The following ZNF775 variants were observed in gnomAD, a reference collection of about 807,000 sequenced individuals.
ZNF775 encodes the protein zinc finger protein 775.
ZNF775 carries 1 observed loss-of-function variant against 2.4 expected under a neutral mutation model. That is an observed-to-expected ratio of 0.41 (90% CI 0.15 to 1.94). The LOEUF is 1.94. Among genes scored for constraint, ZNF775 ranks in the 30% most tolerant of loss-of-function variants. The probability of loss-of-function intolerance (pLI) is 0.30; values close to 1 mark genes in which losing one functional copy is unlikely to be tolerated. For missense variants in ZNF775, 823 were observed against 826.6 expected, an observed-to-expected ratio of 1.00 and a Z score of 0.05; for synonymous variants, 381 against 373.3, an observed-to-expected ratio of 1.02 and a Z score of -0.24.
rs764537483 is a variant in ZNF775, at chr7:150,397,786, G to C, written c.1305G>C (p.Ala435=). 6 of 1,547,656 alleles carry C rather than the reference G, an allele frequency of 3.9e-6. No homozygotes were observed. In the South Asian group the frequency reaches 5.9e-5, roughly 15 times the overall value. ...ARDTLWGRGQ[A]GLAGPGEPRQ... Reference sequence around the variant, plus strand: ...ACACGCTGTGGGGCCGGGGACAAGCGGGCCTCGCTGGGCCTGGCGAGCCGC... The same window carrying C: ...ACACGCTGTGGGGCCGGGGACAAGCCGGCCTCGCTGGGCCTGGCGAGCCGC... The change falls in exon 3 of 3, where the codon GCG becomes GCC. Residue 435 remains alanine (A), a synonymous_variant. Transcript: ENST00000329630.
chr7:150,380,910 T>C (rs1047886094), intron 1 of ZNF775, among the ~76,000 whole-genome samples: 1 of 152,238 alleles, frequency 6.6e-6, no homozygotes, highest in Non-Finnish European at 1.5e-5. Context: ...GATTTTCCTT[T>C]ATTTTCATGA....
intron 1 of ZNF775, among the ~76,000 whole-genome samples, chr7:150,383,046 A>G (rs1387088965): frequency 1.3e-5 from 2 of 152,092 alleles, no homozygotes; most frequent in Non-Finnish European, 2.9e-5. Flanking sequence ...AATATCTCAC[A>G]TTCTCTGTAT....
chr7:150,386,942 T>C (rs1800463773), intron 1 of ZNF775, among the ~76,000 whole-genome samples: 2 of 152,200 alleles, frequency 1.3e-5, no homozygotes, highest in South Asian at 2.1e-4. Context: ...GTTAAGATCA[T>C]GTCAGGTGGC....
intron 2 of ZNF775, among the ~76,000 whole-genome samples, chr7:150,393,886 T>G (rs1800604008): frequency 6.6e-6 from 1 of 152,210 alleles, no homozygotes; most frequent in Non-Finnish European, 1.5e-5. Context: ...GCCAGGCTGG[T>G]CTTGAACTCC....
rs1800676270 is a variant in ZNF775, at chr7:150,397,039, C to G, written c.558C>G (p.Ser186=). 1.3e-6 allele frequency: 2 copies of G among 1,596,742 alleles called. No individual in the cohort carries two copies. The highest frequency in any genetic ancestry group is 1.7e-6 in the Non-Finnish European group (2 of 1,178,092). ...QHLLKHQKTH[S]RPATHSCPEC... is the part of the protein sequence containing the mutation. Reference sequence around the variant, plus strand: ...TGCTCAAGCACCAGAAGACCCACTCCCGGCCCGCCACCCACTCGTGCCCCG... The same window carrying G: ...TGCTCAAGCACCAGAAGACCCACTCGCGGCCCGCCACCCACTCGTGCCCCG... Residue 186 remains serine (S), a synonymous_variant, in exon 3 of 3, where the codon TCC becomes TCG. Transcript: ENST00000329630.
Position 150,396,538 on chromosome 7 carries a change from G to T in ZNF775, c.57G>T (p.Lys19Asn). ...GAGCTGGGCTGGTGATGAAGGTCAA[G>T]CAGGAGAAGCCGGAGCGGCTGCTGC... ...GTGAGLVMKV[K>N]QEKPERLLQT... Residue 19 changes from lysine (K) to asparagine (N), a missense_variant, in exon 3 of 3, where the codon AAG becomes AAT. Coordinates refer to ENST00000329630, the MANE Select transcript of ZNF775 (RefSeq NM_173680.4). 1 of 1,601,674 alleles carries T rather than the reference G, an allele frequency of 6.2e-7. No homozygotes were observed. Among genetic ancestry groups the T allele is most frequent in the South Asian group, 1.1e-5 (1 of 88,658 alleles).
Position 150,397,834 on chromosome 7 carries a change from C to A in ZNF775, c.1353C>A (p.Cys451Ter). 1 of 1,599,112 alleles carries A rather than the reference C, an allele frequency of 6.3e-7. No individual in the cohort carries two copies. The highest frequency in any genetic ancestry group is 8.5e-7 in the Non-Finnish European group (1 of 1,176,514). Residue 451 changes from cysteine to a stop codon, truncating the protein, a stop_gained, in exon 3 of 3, where the codon TGC becomes TGA. Transcript: ENST00000329630. LOFTEE classifies it low-confidence loss of function (END_TRUNC). ...GEPRQFICNE[C>*]GKSFSWWSAL... is the part of the protein sequence containing the mutation. Reference sequence around the variant, plus strand: ...CGCGCCAGTTCATCTGCAACGAGTGCGGCAAGAGCTTCTCGTGGTGGTCGG... The same window carrying A: ...CGCGCCAGTTCATCTGCAACGAGTGAGGCAAGAGCTTCTCGTGGTGGTCGG...
chr7:150,397,173 C>CG lies in ZNF775; in HGVS notation c.694dup (p.Ala232GlyfsTer142). The CG allele has an allele frequency of 7.4e-7, 1 of 1,351,890 alleles. No homozygotes were observed. Among genetic ancestry groups the CG allele is most frequent in the Non-Finnish European group, 9.4e-7 (1 of 1,058,658 alleles). 83.7% of individuals were successfully genotyped at this position (1,351,890 alleles called of 1,614,324 possible). A position where few individuals can be genotyped will look rare whatever the true frequency, so the allele number is the denominator to read the frequency against. ...GGCCTGCACGAGCTGATTCAGGACGCGGCGGCGCGCCGGGCCTGTCGCCTG... is the reference window on the plus strand; with the variant it reads ...GGCCTGCACGAGCTGATTCAGGACGCGGGCGGCGCGCCGGGCCTGTCGCCTG... On this transcript the variant is annotated frameshift_variant, in exon 3 of 3. Transcript: ENST00000329630. LOFTEE classifies it low-confidence loss of function (END_TRUNC).
chr7:150,383,659 A>G (rs1390328323), intron 1 of ZNF775: 2 of 152,408 alleles, frequency 1.3e-5, no homozygotes, highest in Non-Finnish European at 2.9e-5. Flanking sequence ...GTGCCCAGCA[A>G]GTGAGGACCT....
At position 150,397,925 on chromosome 7, in the gene ZNF775, C is replaced by G. The variant is rs527417474; in HGVS notation, c.1444C>G (p.Arg482Gly). The change falls in exon 3 of 3, where the codon CGC becomes GGC. Residue 482 changes from arginine (R) to glycine (G), a missense_variant. Arg to Gly is a moderately radical substitution (Grantham distance 125). Coordinates refer to ENST00000329630, the MANE Select transcript of ZNF775 (RefSeq NM_173680.4). Reference protein sequence around the residue: ...RPYPCPECGRRFSQKPNLTRH... With the variant: ...RPYPCPECGRGFSQKPNLTRH... The stretch of plus-strand genomic sequence containing the variant: ...CTACCCGTGCCCCGAGTGCGGCCGC[C>G]GCTTCAGCCAGAAGCCCAACCTGAC... 6.2e-7 allele frequency: 1 copy of G among 1,601,788 alleles called. No individual in the cohort carries two copies. Among genetic ancestry groups the G allele is most frequent in the Non-Finnish European group, 8.5e-7 (1 of 1,178,680 alleles).
At chr7:150,392,746 C>T (rs1191915633) in intron 2 of ZNF775, among the ~76,000 whole-genome samples, 1 of 152,188 alleles carries the variant, frequency 6.6e-6, no homozygotes, top group Non-Finnish European at 1.5e-5. Context: ...GTTGCCTAGG[C>T]TGGTCTTCAA....
chr7:150,390,571 T>C lies in ZNF775; in HGVS notation c.31+2070T>C, dbSNP rs1199882114. Among the ~76,000 whole-genome samples, 5 of 152,268 alleles carry C rather than the reference T, an allele frequency of 3.3e-5. No homozygotes were observed. In the East Asian group the frequency reaches 9.6e-4, roughly 29 times the overall value. On this transcript the variant is annotated intron_variant, in intron 2 of 2. Transcript: ENST00000329630. ...TCAATCAGATGATTCATATGGTTTTTCAACTTGTTTTTTGTTTTCTCTTAA... is the reference window on the plus strand; with the variant it reads ...TCAATCAGATGATTCATATGGTTTTCCAACTTGTTTTTTGTTTTCTCTTAA...
intron 2 of ZNF775, among the ~76,000 whole-genome samples, chr7:150,391,710 T>C (rs1220425834): frequency 7.0e-5 from 10 of 142,314 alleles, no homozygotes; most frequent in East Asian, 2.0e-4. Flanking sequence ...TTCTTTCTTT[T>C]TTTTTTTTTT....
chr7:150,382,133 C>T lies in ZNF775; in HGVS notation c.-50+2741C>T, dbSNP rs1004677727. On this transcript the variant is annotated intron_variant, in intron 1 of 2. Transcript: ENST00000329630. The surrounding 1 kb of genome is among the most constrained non-coding windows in gnomAD (Gnocchi z 4.6). ...CTGCAGACAGTGCCACAACCAGAGC[C>T]GTGGCAAACCCTCTTCCTCCTGCAT... 1.5e-4 allele frequency among the ~76,000 whole-genome samples: 23 copies of T among 152,088 alleles called. No homozygotes were observed. Among genetic ancestry groups the T allele is most frequent in the Admixed American group, 9.8e-4 (15 of 15,278 alleles).
At chr7:150,385,181 C>G (rs994637535) in intron 1 of ZNF775, among the ~76,000 whole-genome samples, 1 of 152,210 alleles carries the variant, frequency 6.6e-6, no homozygotes, top group Admixed American at 6.5e-5. Flanking sequence ...CCTCCCGCCC[C>G]CTTCCCCACT....
At chr7:150,389,123 C>T (rs934725773) in intron 2 of ZNF775, among the ~76,000 whole-genome samples, 2 of 152,236 alleles carry the variant, frequency 1.3e-5, no homozygotes, top group African/African-American at 4.8e-5. Context: ...AGTGCCCTGT[C>T]GCATGTGGCG....
chr7:150,384,912 G>A lies in ZNF775; in HGVS notation c.-49-3510G>A, dbSNP rs147807354. ...GTCTTTGATTTGCCTTGGGGGTCTCGCTCTGTGGAGACCCAGGCCCATCCT... is the reference window on the plus strand; with the variant it reads ...GTCTTTGATTTGCCTTGGGGGTCTCACTCTGTGGAGACCCAGGCCCATCCT... On this transcript the variant is annotated intron_variant, in intron 1 of 2. Transcript: ENST00000329630. The surrounding 1 kb of genome is among the most constrained non-coding windows in gnomAD (Gnocchi z 4.1). Among the ~76,000 whole-genome samples, 17 of 152,286 alleles carry A rather than the reference G, an allele frequency of 1.1e-4. No homozygotes were observed. Among genetic ancestry groups the A allele is most frequent in the African/African-American group, 4.1e-4 (17 of 41,552 alleles).
At chr7:150,390,161 C>T (rs559505651) in intron 2 of ZNF775, among the ~76,000 whole-genome samples, 2 of 152,076 alleles carry the variant, frequency 1.3e-5, no homozygotes, top group South Asian at 2.1e-4. Flanking sequence ...GCCATTATTT[C>T]GGGACTCTCC....
intron 2 of ZNF775, 141 bp from the exon 3 acceptor site, chr7:150,396,372 C>T (rs1002978825): frequency 5.8e-6 from 6 of 1,035,636 alleles, no homozygotes; most frequent in Non-Finnish European, 1.3e-6. Flanking sequence ...AAATCTTTCC[C>T]TTCTGCCTTT....
Sources: gnomAD v4.1 joint callset for allele counts (sites outside exome capture counted in the v4.1 genomes callset) on GRCh38, gnomAD v4.1.1 for gene constraint, Gnocchi (gnomAD v3.1) non-coding constraint, MANE v1.5 for transcripts, NCBI Gene and HGNC (gene_info 2026-07-23, HGNC 2026-07-21) for gene names.